Variants in AMZ2 observed in about 807,000 individuals in gnomAD.
The protein encoded by AMZ2 is archaemetzincin-2.
A neutral mutation model predicts 36.7 loss-of-function variants in AMZ2; 26 were observed. The ratio of observed to expected loss-of-function variants is 0.71; its 90% confidence interval spans 0.52 to 0.98. The LOEUF is 0.98. Ranked by LOEUF, AMZ2 falls within the 50% of genes least tolerant of loss-of-function variation. The pLI is 0.00. For missense variants in AMZ2, 394 were observed against 430.5 expected (o/e 0.92, Z 0.75); for synonymous variants, 144 against 149.1 (o/e 0.97, Z 0.25).
upstream of AMZ2, among the ~76,000 whole-genome samples, chr17:68,245,026 A>G (rs1445488066): frequency 6.6e-6 from 1 of 152,022 alleles, no homozygotes; most frequent in African/African-American, 2.4e-5. Flanking sequence ...CCACCTTCCA[A>G]TTTGTTACCA....
At chr17:68,238,123 G>T (rs1386977798) in intron 1 of AMZ2, among the ~76,000 whole-genome samples, 1 of 152,204 alleles carries the variant, frequency 6.6e-6, no homozygotes, top group African/African-American at 2.4e-5. Flanking sequence ...TGAAGCAGAG[G>T]CTGGGGACAT....
chr17:68,216,976 T>C (rs1177637536), intron 1 of AMZ2, among the ~76,000 whole-genome samples: 1 of 146,282 alleles, frequency 6.8e-6, no homozygotes, highest in African/African-American at 2.6e-5. Context: ...GAGCTTGCAG[T>C]GAGCCGAGTT....
chr17:68,250,843 C>G lies in AMZ2; in HGVS notation c.333C>G (p.Leu111=). 1 of 1,603,048 alleles carries G rather than the reference C, an allele frequency of 6.2e-7. No homozygotes were observed. Among genetic ancestry groups the G allele is most frequent in the South Asian group, 1.1e-5 (1 of 88,354 alleles). ...TCAGTGAAGAATATATTAAATGGCT[C>G]ACGGGCTACTGTAAAGCATATTTCT... is the stretch of plus-strand genomic sequence containing the variant. ...RIISEEYIKW[L]TGYCKAYFYG... Residue 111 remains leucine (L), a synonymous_variant, in exon 3 of 7, where the codon CTC becomes CTG. Coordinates refer to ENST00000359904, the MANE Select transcript of AMZ2 (RefSeq NM_016627.5).
At chr17:68,249,943 C>A in intron 1 of AMZ2, 1 of 481,494 alleles carries the variant, frequency 2.1e-6, no homozygotes, top group East Asian at 3.9e-5. Flanking sequence ...CTGGCCACCA[C>A]TAGTTTTTGT....
chr17:68,232,835 C>CA (rs1475464443), intron 1 of AMZ2, among the ~76,000 whole-genome samples: 3 of 151,866 alleles, frequency 2.0e-5, no homozygotes, highest in South Asian at 2.1e-4. Context: ...GACTCTGTCT[C>CA]AAAAAAAAGA....
Position 68,220,172 on chromosome 17 carries a change from G to A in AMZ2, c.-67+13934G>A, listed in dbSNP as rs1308075206. Among the ~76,000 whole-genome samples the A allele has an allele frequency of 2.0e-5, 3 of 152,204 alleles. No homozygotes were observed. The East Asian group carries it at 5.8e-4, about 29-fold the overall frequency. On this transcript the variant is annotated intron_variant, in intron 1 of 7. Transcript: ENST00000674770. ...TGGCAAAATGTTAGCTTTTCTGAGT[G>A]ATGGGAATCACAAAATATTTTGTCT...
Position 68,255,705 on chromosome 17 carries a change from A to C in AMZ2, c.756A>C (p.Leu252Phe). 1 of 1,613,810 alleles carries C rather than the reference A, an allele frequency of 6.2e-7. No individual in the cohort carries two copies. Among genetic ancestry groups the C allele is most frequent in the Non-Finnish European group, 8.5e-7 (1 of 1,179,722 alleles). The change falls in exon 6 of 7, where the codon TTA becomes TTC. Residue 252 changes from leucine to phenylalanine, a missense_variant. Transcript: ENST00000359904. ...TCAACATGATTGTCTTGCAGACTTT[A>C]ACCCATGAGATCGGACACATATTTG... is the stretch of plus-strand genomic sequence containing the variant. ...SVLLLRSCKT[L>F]THEIGHIFGL...
chr17:68,252,255 G>C (rs2074540647), intron 4 of AMZ2, among the ~76,000 whole-genome samples: 1 of 152,056 alleles, frequency 6.6e-6, no homozygotes, highest in East Asian at 1.9e-4. Context: ...AAGCTTTTTG[G>C]GACAAATGTT....
chr17:68,246,131 C>A (rs1309971587), upstream of AMZ2, among the ~76,000 whole-genome samples: 2 of 149,054 alleles, frequency 1.3e-5, no homozygotes, highest in African/African-American at 2.5e-5. Flanking sequence ...CATGGTGAAA[C>A]CCCGTCTCTA....
chr17:68,209,623 TA>T (rs61600423), intron 1 of AMZ2, among the ~76,000 whole-genome samples: 79 of 109,926 alleles, frequency 7.2e-4, no homozygotes, highest in East Asian at 2.2e-3. Context: ...TATATATATA[TA>T]TATATATATT....
intron 1 of AMZ2, among the ~76,000 whole-genome samples, chr17:68,230,673 T>C (rs2073637242): frequency 6.6e-6 from 1 of 152,196 alleles, no homozygotes; most frequent in African/African-American, 2.4e-5. Flanking sequence ...GCTTGATCTA[T>C]ATTCATTTTA....
At chr17:68,216,997 C>T (rs569221150) in intron 1 of AMZ2, among the ~76,000 whole-genome samples, 135 of 148,924 alleles carry the variant, frequency 9.1e-4, no homozygotes, top group African/African-American at 3.1e-3. Context: ...TGCGCCCCTG[C>T]ACTCCAGCCT....
At chr17:68,251,595 A>T (rs1449235216) in intron 4 of AMZ2, among the ~76,000 whole-genome samples, 1 of 152,130 alleles carries the variant, frequency 6.6e-6, no homozygotes, top group African/African-American at 2.4e-5. Context: ...TGAGCCCAGG[A>T]GGTTGAGGCT....
chr17:68,219,605 C>T (rs1317566709), intron 1 of AMZ2, among the ~76,000 whole-genome samples: 2 of 152,108 alleles, frequency 1.3e-5, no homozygotes, highest in Non-Finnish European at 2.9e-5. Flanking sequence ...AGTCATAGGC[C>T]ACTTTCGCTT....
chr17:68,256,791 G>T, intron 6 of AMZ2, 23 bp from the exon 7 acceptor site: 1 of 1,608,398 alleles, frequency 6.2e-7, no homozygotes, highest in Non-Finnish European at 8.5e-7. Context: ...TTGTTGAAGT[G>T]CGCATCTTTC....
At chr17:68,247,357 A>AAAAAAATAAAGCAAGAAAAAGAAATAAG (rs60392366), upstream of AMZ2, 1 of 133,720 alleles carries the variant, frequency 7.5e-6, no homozygotes, top group African/African-American at 3.1e-5. Flanking sequence ...AAAAAAAAAA[A>AAAAAAATAAAGCAAGAAAAAGAAATAAG]AAAGCAAGAA....
rs1440865755 is a variant in AMZ2, at chr17:68,221,219, G to GCC, written c.-67+14987_-67+14988dup. On this transcript the variant is annotated intron_variant, in intron 1 of 7. Coordinates refer to the AMZ2 transcript ENST00000674770. ...GCCTCAGCCCTCAGCTCCCCCCCCC[G>GCC]CCCCCCCGGTAGCTAGGACCCCAAG... is the stretch of plus-strand genomic sequence containing the variant. Among the ~76,000 whole-genome samples the GCC allele has an allele frequency of 4.2e-4, 22 of 52,080 alleles. 2 individuals carry two copies. The highest frequency in any genetic ancestry group is 1.2e-3 in the East Asian group (2 of 1,676). The allele number at this position is 52,080 out of a possible 152,430, so 34.2% of individuals were successfully genotyped here. A position where few individuals can be genotyped will look rare whatever the true frequency, so the allele number is the denominator to read the frequency against.
At chr17:68,253,654 C>T (rs1165044609) in intron 4 of AMZ2, among the ~76,000 whole-genome samples, 1 of 152,110 alleles carries the variant, frequency 6.6e-6, no homozygotes, top group African/African-American at 2.4e-5. Context: ...TGTCCTCAGT[C>T]AGTGCTGCGT....
At chr17:68,221,174 C>A (rs1417654172) in intron 1 of AMZ2, among the ~76,000 whole-genome samples, 1 of 144,254 alleles carries the variant, frequency 6.9e-6, no homozygotes, top group African/African-American at 2.6e-5. Flanking sequence ...CCTTGACCTC[C>A]TGGGTCAAGT....
Sources: gnomAD v4.1 joint callset for allele counts (sites outside exome capture counted in the v4.1 genomes callset) on GRCh38, gnomAD v4.1.1 for gene constraint, MANE v1.5 for transcripts, NCBI Gene and HGNC (gene_info 2026-07-23, HGNC 2026-07-21) for gene names.